The following ADCYAP1 variants were observed in gnomAD, a reference collection of about 807,000 sequenced individuals.
ADCYAP1 encodes pituitary adenylate cyclase-activating polypeptide.
In ADCYAP1, 6 loss-of-function variants were observed where a neutral mutation model predicts 18.5. That is an observed-to-expected ratio of 0.32 (90% CI 0.18 to 0.64). ADCYAP1 has a LOEUF of 0.64. Among genes scored for constraint, ADCYAP1 ranks in the 30% least tolerant of loss-of-function variants. ADCYAP1 has a pLI of 0.77. For missense variants in ADCYAP1, 314 were observed against 253.6 expected, an observed-to-expected ratio of 1.24 and a Z score of -1.62; for synonymous variants, 136 against 113.9, an observed-to-expected ratio of 1.19 and a Z score of -1.24.
At chr18:904,862 C>G, upstream of ADCYAP1, 2 of 1,287,122 alleles carry the variant, frequency 1.6e-6, no homozygotes, top group Non-Finnish European at 2.0e-6. Flanking sequence ...CGTCTACAAA[C>G]TTTTGAGCAG....
At chr18:905,200 A>ATATT (rs1555605516) in intron 1 of ADCYAP1, 140 bp downstream of exon 1, 13 of 1,410,086 alleles carry the variant, frequency 9.2e-6, no homozygotes, top group Admixed American at 2.9e-5. Flanking sequence ...ATATATATAT[A>ATATT]TTTTTTTCTA....
In ADCYAP1 at chr18:909,961, G is replaced by C. The variant is rs1444928120; in HGVS notation, c.*326G>C. 1.3e-5 allele frequency: 2 copies of C among 150,642 alleles called. No individual in the cohort carries two copies. The highest frequency in any genetic ancestry group is 6.7e-5 in the Admixed American group (1 of 15,030). 9.3% of individuals were successfully genotyped at this position (150,642 alleles called of 1,614,324 possible). A position where few individuals can be genotyped will look rare whatever the true frequency, so the allele number is the denominator to read the frequency against. On this transcript the variant is annotated 3_prime_UTR_variant, in exon 5 of 5. Transcript: ENST00000450565. ...GCACAAGGATTGAAAATTCGCCCGA[G>C]CTGTTTATGTTTTTATAAAAATAAA...
intron 2 of ADCYAP1, chr18:906,325 A>G (rs11874747): frequency 0.33 from 50,454 of 152,172 alleles, 8,648 homozygotes; most frequent in East Asian, 0.57. Flanking sequence ...CCGATGTGCC[A>G]GGCTGTGGAT....
Position 907,738 on chromosome 18 carries a change from C to T in ADCYAP1, c.190C>T (p.Pro64Ser), listed in dbSNP as rs1909228739. ...DGSEPPGAGS[P>S]ASAPRAAAAW... ...CTCGGAGCCGCCGGGCGCAGGGAGCCCCGCCTCCGCGCCGCGCGCCGCCGC... is the reference window on the plus strand; with the variant it reads ...CTCGGAGCCGCCGGGCGCAGGGAGCTCCGCCTCCGCGCCGCGCGCCGCCGC... The change falls in exon 3 of 5, where the codon CCC becomes TCC. Residue 64 changes from proline to serine, a missense_variant. Coordinates refer to ENST00000450565, the MANE Select transcript of ADCYAP1 (RefSeq NM_001099733.2). 6.6e-7 allele frequency: 1 copy of T among 1,519,246 alleles called. No homozygotes were observed. The highest frequency in any genetic ancestry group is 1.2e-5 in the South Asian group (1 of 82,380). 94.1% of individuals were successfully genotyped at this position (1,519,246 alleles called of 1,614,324 possible). A position where few individuals can be genotyped will look rare whatever the true frequency, so the allele number is the denominator to read the frequency against.
intron 4 of ADCYAP1, 136 bp from the exon 5 acceptor site, chr18:909,310 G>A (rs1335373302): frequency 3.7e-6 from 3 of 801,868 alleles, no homozygotes; most frequent in South Asian, 2.1e-5. Context: ...AGGCAGAGGC[G>A]GGCGACGCGG....
At position 905,505 on chromosome 18, in the gene ADCYAP1, TG is replaced by T; in HGVS notation, c.110+11del. 1 of 1,604,176 alleles carries T rather than the reference TG, an allele frequency of 6.2e-7. No homozygotes were observed. The highest frequency in any genetic ancestry group is 2.2e-5 in the East Asian group (1 of 44,862). The stretch of plus-strand genomic sequence containing the variant: ...CGGTTCCCCGGGATCAGGTAGGTGC[TG>T]GCTGCCTGGCCCAAGCAGGAGCTGG... On this transcript the variant is annotated intron_variant, in intron 2 of 4. Transcript: ENST00000450565.
intron 4 of ADCYAP1, 39 bp downstream of exon 4, chr18:908,402 G>A (rs780554545): frequency 7.6e-6 from 12 of 1,570,020 alleles, no homozygotes; most frequent in African/African-American, 4.1e-5. Flanking sequence ...GCGCGCCGGG[G>A]TGGGTGCCTG....
chr18:905,660 T>G, intron 2 of ADCYAP1, 164 bp downstream of exon 2: 1 of 832,156 alleles, frequency 1.2e-6, no homozygotes, highest in Non-Finnish European at 1.8e-6. Flanking sequence ...GTCCCCATTC[T>G]AGCCGAGGGT....
upstream of ADCYAP1, chr18:904,538 C>G (rs1290871825): frequency 1.6e-6 from 2 of 1,289,142 alleles, no homozygotes; most frequent in African/African-American, 1.5e-5. Context: ...CCTCTGTAAC[C>G]AGCGGTAGCA....
rs1909347494 is a variant in ADCYAP1, at chr18:910,436, C to T, written c.*801C>T. 1 of 152,218 alleles carries T rather than the reference C, an allele frequency of 6.6e-6. No individual in the cohort carries two copies. Among genetic ancestry groups the T allele is most frequent in the Non-Finnish European group, 1.5e-5 (1 of 68,040 alleles). 9.4% of individuals were successfully genotyped at this position (152,218 alleles called of 1,614,324 possible). On this transcript the variant is annotated 3_prime_UTR_variant, in exon 5 of 5. Coordinates refer to ENST00000450565, the MANE Select transcript of ADCYAP1 (RefSeq NM_001099733.2). ...GGAACTGTACAGAAAAGGGCGGCTT[C>T]GTTAGACCGCTCTCTTTTCTGTACT...
intron 2 of ADCYAP1, 188 bp from the exon 3 acceptor site, chr18:907,471 A>T: frequency 1.8e-6 from 1 of 551,152 alleles, no homozygotes; most frequent in Non-Finnish European, 3.0e-6. Context: ...CCGGCGGGGT[A>T]GGAGTGGTTG....
At chr18:904,565 C>T (rs1479445706), upstream of ADCYAP1, 1 of 1,288,770 alleles carries the variant, frequency 7.8e-7, no homozygotes, top group African/African-American at 1.5e-5. Context: ...GAAGCCGCAG[C>T]TTCAGAGGCA....
Position 905,489 on chromosome 18 carries a change from G to A in ADCYAP1, c.103G>A (p.Gly35Arg). The A allele has an allele frequency of 1.9e-6, 3 of 1,606,946 alleles. No individual in the cohort carries two copies. The highest frequency in any genetic ancestry group is 8.5e-7 in the Non-Finnish European group (1 of 1,179,968). ...SPAAAGLRFP[G>R]IRPEEEAYGE... is the part of the protein sequence containing the mutation. ...TGCCGCCGCCGGACTCCGGTTCCCC[G>A]GGATCAGGTAGGTGCTGGCTGCCTG... Residue 35 changes from glycine (G) to arginine (R), a missense_variant, in exon 2 of 5, where the codon GGG becomes AGG. Physicochemically the swap from Gly to Arg is moderately radical, Grantham distance 125. Transcript: ENST00000450565.
Position 909,536 on chromosome 18 carries a change from C to T in ADCYAP1, c.432C>T (p.Tyr144=). Residue 144 remains tyrosine (Y), a synonymous_variant, in exon 5 of 5, where the codon TAC becomes TAT. Coordinates refer to ENST00000450565, the MANE Select transcript of ADCYAP1 (RefSeq NM_001099733.2). ...TCTTCACGGACAGCTACAGCCGCTACCGGAAACAAATGGCTGTCAAGAAAT... is the reference window on the plus strand; with the variant it reads ...TCTTCACGGACAGCTACAGCCGCTATCGGAAACAAATGGCTGTCAAGAAAT... ...DGIFTDSYSR[Y]RKQMAVKKYL... 6.2e-7 allele frequency: 1 copy of T among 1,614,142 alleles called. No homozygotes were observed. Among genetic ancestry groups the T allele is most frequent in the Non-Finnish European group, 8.5e-7 (1 of 1,180,026 alleles).
chr18:905,603 C>T (rs1272902013), intron 2 of ADCYAP1, 107 bp downstream of exon 2: 2 of 1,277,768 alleles, frequency 1.6e-6, no homozygotes, highest in East Asian at 2.6e-5. Flanking sequence ...ACTAGCATCG[C>T]CCTCTGCGCC....
At chr18:909,088 G>T (rs1260715373) in intron 4 of ADCYAP1, among the ~76,000 whole-genome samples, 1 of 152,190 alleles carries the variant, frequency 6.6e-6, no homozygotes, top group Non-Finnish European at 1.5e-5. Context: ...TGTATGTCGC[G>T]GGTGAGAGGA....
chr18:904,897 C>T lies in ADCYAP1; in HGVS notation c.-165C>T, dbSNP rs2143099184. 1 of 1,288,952 alleles carries T rather than the reference C, an allele frequency of 7.8e-7. No homozygotes were observed. The highest frequency in any genetic ancestry group is 1.0e-6 in the Non-Finnish European group (1 of 988,426). The allele number at this position is 1,288,952 out of a possible 1,614,324, so 79.8% of individuals were successfully genotyped here. A position where few individuals can be genotyped will look rare whatever the true frequency, so the allele number is the denominator to read the frequency against. On this transcript the variant is annotated 5_prime_UTR_variant, in exon 1 of 5. Transcript: ENST00000450565. ...GAACACGAGCCTCGGCAAACGAGTC[C>T]CGCAGCTCCTCCTGCTGCTCCCGCT...
Position 907,942 on chromosome 18 carries a change from G to A in ADCYAP1, c.242+152G>A, listed in dbSNP as rs1419150377. ...CTCCCTGGCCCGATCCTATTGCAGC[G>A]ACAGAAAATCAGCAGCGGGCGGGTC... On this transcript the variant is annotated intron_variant, in intron 3 of 4. Transcript: ENST00000450565. The A allele has an allele frequency of 5.3e-6, 7 of 1,316,642 alleles. No individual in the cohort carries two copies. In the South Asian group the frequency reaches 5.3e-5, roughly 10 times the overall value. The allele number at this position is 1,316,642 out of a possible 1,614,324, so 81.6% of individuals were successfully genotyped here. A position where few individuals can be genotyped will look rare whatever the true frequency, so the allele number is the denominator to read the frequency against.
chr18:905,335 G>A (rs747374395), intron 1 of ADCYAP1, 51 bp from the exon 2 acceptor site: 8 of 1,591,826 alleles, frequency 5.0e-6, no homozygotes, highest in Non-Finnish European at 6.0e-6. Flanking sequence ...TGGAGGGTGG[G>A]AGGCCAGGGG....
Sources: allele counts gnomAD v4.1 joint callset (sites outside exome capture counted in the v4.1 genomes callset), GRCh38; gene constraint gnomAD v4.1.1; transcripts MANE v1.5; gene names NCBI Gene and HGNC (gene_info 2026-07-23, HGNC 2026-07-21).